PCSK6: variants seen among roughly 807,000 people sequenced by gnomAD.
PCSK6 encodes the protein paired basic amino acid cleaving enzyme 4.
In PCSK6, 85 loss-of-function variants were observed where a neutral mutation model predicts 123.3. The ratio of observed to expected loss-of-function variants is 0.69; its 90% CI spans 0.58 to 0.83. PCSK6 has a LOEUF of 0.83. Among genes scored for constraint, PCSK6 ranks in the 40% least tolerant of loss-of-function variants. The probability of loss-of-function intolerance (pLI) is 0.00; values close to 1 mark genes in which losing one functional copy is unlikely to be tolerated. For synonymous variants in PCSK6, 508 were observed against 516.0 expected, an observed-to-expected ratio of 0.98 and a Z score of 0.21; for missense variants, 1,191 against 1,282.3, an observed-to-expected ratio of 0.93 and a Z score of 1.09.
intron 9 of PCSK6, among the ~76,000 whole-genome samples, chr15:101,387,893 G>T (rs1009703466): frequency 6.6e-6 from 1 of 152,244 alleles, no homozygotes; most frequent in African/African-American, 2.4e-5. Context: ...TTCCTTCCTT[G>T]ACCAATCCTG....
chr15:101,466,073 T>A (rs373327270), intron 1 of PCSK6, among the ~76,000 whole-genome samples: 1 of 151,882 alleles, frequency 6.6e-6, no homozygotes, highest in Non-Finnish European at 1.5e-5. Flanking sequence ...AAAAACAATG[T>A]CCGTGCTCCA....
rs57613156 is a variant in PCSK6 at position 101,316,910 on chromosome 15, G to GTTTTTTTTTTTTTTTTTTTT, written c.2569+1408_2569+1409insAAAAAAAAAAAAAAAAAAAA. Among the ~76,000 whole-genome samples, 34 of 114,944 alleles carry GTTTTTTTTTTTTTTTTTTTT rather than the reference G, an allele frequency of 3.0e-4. 5 individuals are homozygous for GTTTTTTTTTTTTTTTTTTTT. Among genetic ancestry groups the GTTTTTTTTTTTTTTTTTTTT allele is most frequent in the African/African-American group, 1.2e-3 (30 of 25,390 alleles). 75.4% of individuals were successfully genotyped at this position (114,944 alleles called of 152,430 possible). A position where few individuals can be genotyped will look rare whatever the true frequency, so the allele number is the denominator to read the frequency against. ...ACTGGTTTAGCAGAGACTTAATTCT[G>GTTTTTTTTTTTTTTTTTTTT]TTTTTTTTTTTTTTTTTTTGACAGA... On this transcript the variant is annotated intron_variant, in intron 19 of 21. Transcript: ENST00000611716.
At chr15:101,434,187 A>G (rs545000839) in intron 2 of PCSK6, among the ~76,000 whole-genome samples, 3 of 152,360 alleles carry the variant, frequency 2.0e-5, no homozygotes, top group South Asian at 4.1e-4. Context: ...AATATTTCAT[A>G]ATCTGTTCAG....
intron 13 of PCSK6, among the ~76,000 whole-genome samples, chr15:101,358,176 C>T (rs2041102695): frequency 6.6e-6 from 1 of 152,162 alleles, no homozygotes; most frequent in Non-Finnish European, 1.5e-5. Context: ...AAGTCTCACC[C>T]CTGGGGGTAG....
chr15:101,352,372 TCTC>T (rs1182236709), intron 13 of PCSK6, among the ~76,000 whole-genome samples: 2 of 152,026 alleles, frequency 1.3e-5, no homozygotes, highest in Non-Finnish European at 2.9e-5. Flanking sequence ...TGGTCTTGGA[TCTC>T]CTGACCTCGT....
At chr15:101,487,637 C>CA (rs2058049815) in intron 1 of PCSK6, among the ~76,000 whole-genome samples, 1 of 152,202 alleles carries the variant, frequency 6.6e-6, no homozygotes, top group Admixed American at 6.5e-5. Context: ...AAAACCCAGG[C>CA]ACTTTGTAAT....
intron 1 of PCSK6, among the ~76,000 whole-genome samples, chr15:101,463,348 A>G (rs1414735564): frequency 6.6e-6 from 1 of 152,092 alleles, no homozygotes; most frequent in Admixed American, 6.5e-5. Context: ...CTGCTCTACC[A>G]AGGAGACTTG....
chr15:101,305,191 C>A lies in PCSK6; in HGVS notation c.*67G>T. 1 of 1,330,660 alleles carries A rather than the reference C, an allele frequency of 7.5e-7. No individual in the cohort carries two copies. The highest frequency in any genetic ancestry group is 2.4e-5 in the East Asian group (1 of 41,026). 82.4% of individuals were successfully genotyped at this position (1,330,660 alleles called of 1,614,324 possible). A position where few individuals can be genotyped will look rare whatever the true frequency, so the allele number is the denominator to read the frequency against. On this transcript the variant is annotated 3_prime_UTR_variant, in exon 22 of 22. Transcript: ENST00000611716. The surrounding 1 kb of genome is among the most constrained non-coding windows in gnomAD (Gnocchi z 4.8). ...CGCTCCTGAAACAGACTCTGGCCGACAGTCTGGAGGAAGGTGGACGGATGG... is the reference window on the plus strand; with the variant it reads ...CGCTCCTGAAACAGACTCTGGCCGAAAGTCTGGAGGAAGGTGGACGGATGG...
chr15:101,323,385 G>A (rs2040175872), intron 17 of PCSK6, among the ~76,000 whole-genome samples: 1 of 152,224 alleles, frequency 6.6e-6, no homozygotes, highest in African/African-American at 2.4e-5. Flanking sequence ...CCCAGGGCAA[G>A]CGTTTGCAAA....
chr15:101,468,876 C>A (rs1322539605), intron 1 of PCSK6, among the ~76,000 whole-genome samples: 1 of 152,184 alleles, frequency 6.6e-6, no homozygotes, highest in Non-Finnish European at 1.5e-5. Context: ...TGCTGCAATC[C>A]TCACAACAGC....
chr15:101,324,437 G>T (rs1225127423), intron 17 of PCSK6, among the ~76,000 whole-genome samples: 1 of 152,204 alleles, frequency 6.6e-6, no homozygotes, highest in African/African-American at 2.4e-5. Context: ...CAGAGAAGCC[G>T]ATGGCATAGT....
intron 1 of PCSK6, among the ~76,000 whole-genome samples, chr15:101,464,416 G>A (rs565917553): frequency 9.1e-4 from 138 of 152,190 alleles, no homozygotes; most frequent in African/African-American, 2.4e-3. Flanking sequence ...AACATCGAGG[G>A]GTGTGTATAG....
intron 1 of PCSK6, among the ~76,000 whole-genome samples, chr15:101,481,232 G>A (rs1423871750): frequency 6.6e-6 from 1 of 152,048 alleles, no homozygotes; most frequent in African/African-American, 2.4e-5. Context: ...CCAGACGAAG[G>A]GTACATCCGG....
At chr15:101,488,286 A>C (rs1411800463) in intron 1 of PCSK6, among the ~76,000 whole-genome samples, 2 of 152,212 alleles carry the variant, frequency 1.3e-5, no homozygotes, top group Non-Finnish European at 1.5e-5. Context: ...TGTTAACTGC[A>C]CTGAGAGGTC....
intron 1 of PCSK6, among the ~76,000 whole-genome samples, chr15:101,448,278 T>C (rs901538082): frequency 6.6e-6 from 1 of 152,218 alleles, no homozygotes. Context: ...ATTACAAACC[T>C]TGCTAAATGT....
chr15:101,486,637 T>C (rs2141281098), intron 1 of PCSK6, among the ~76,000 whole-genome samples: 1 of 152,342 alleles, frequency 6.6e-6, no homozygotes, highest in Admixed American at 6.5e-5. Context: ...ATCCACAGCC[T>C]TTATCAGGTG....
intron 1 of PCSK6, among the ~76,000 whole-genome samples, chr15:101,482,278 C>A (rs1168893021): frequency 1.3e-5 from 2 of 152,202 alleles, no homozygotes; most frequent in Admixed American, 6.5e-5. Flanking sequence ...CACCTCCCTG[C>A]AGGGCTGGTG....
chr15:101,431,313 G>C lies in PCSK6; in HGVS notation c.657+7C>G. On this transcript the variant is annotated splice_region_variant and intron_variant, in intron 4 of 21. Coordinates refer to ENST00000611716, the MANE Select transcript of PCSK6 (RefSeq NM_002570.5). The stretch of plus-strand genomic sequence containing the variant: ...TATTTGCATGTCAGTTCCGAGGATT[G>C]ACTTACATAATTTGGGGCCAGGTCA... 1 of 1,613,786 alleles carries C rather than the reference G, an allele frequency of 6.2e-7. No homozygotes were observed. The highest frequency in any genetic ancestry group is 1.1e-5 in the South Asian group (1 of 91,048).
In PCSK6 at chr15:101,431,312, T is replaced by G. The variant is rs2056438435; in HGVS notation, c.657+8A>C. On this transcript the variant is annotated splice_region_variant and intron_variant, in intron 4 of 21. Transcript: ENST00000611716. ...ATATTTGCATGTCAGTTCCGAGGAT[T>G]GACTTACATAATTTGGGGCCAGGTC... 2 of 1,613,888 alleles carry G rather than the reference T, an allele frequency of 1.2e-6. No homozygotes were observed. The highest frequency in any genetic ancestry group is 1.7e-6 in the Non-Finnish European group (2 of 1,179,764).
Sources: allele counts gnomAD v4.1 joint callset (sites outside exome capture counted in the v4.1 genomes callset), GRCh38; gene constraint gnomAD v4.1.1; non-coding constraint Gnocchi (gnomAD v3.1); transcripts MANE v1.5; gene names NCBI Gene and HGNC (gene_info 2026-07-23, HGNC 2026-07-21).